Variants in OSBPL6 observed in about 807,000 individuals in gnomAD.
The protein encoded by OSBPL6 is oxysterol binding protein like 6, also known as oxysterol-binding protein-related protein 6.
A neutral mutation model predicts 125.8 loss-of-function variants in OSBPL6; 49 were observed. The observed-to-expected ratio is 0.39, with a 90% CI of 0.31 to 0.49. The LOEUF is 0.49. Among genes scored for constraint, OSBPL6 ranks in the 20% least tolerant of loss-of-function variants. The pLI is 0.88. For missense variants in OSBPL6, 986 were observed against 1,135.4 expected (o/e 0.87, Z 1.89); for synonymous variants, 394 against 391.8 (o/e 1.01, Z -0.07).
At chr2:178,243,263 G>A (rs1346090130) in intron 1 of OSBPL6, among the ~76,000 whole-genome samples, 1 of 152,172 alleles carries the variant, frequency 6.6e-6, no homozygotes, top group African/African-American at 2.4e-5. Context: ...TTCAAAGAAG[G>A]TAGGACAGTT....
At chr2:178,366,353 T>C (rs1468169107) in intron 13 of OSBPL6, among the ~76,000 whole-genome samples, 1 of 152,224 alleles carries the variant, frequency 6.6e-6, no homozygotes, top group Admixed American at 6.5e-5. Flanking sequence ...GTTTGATTCC[T>C]GGCCCCAGAA....
intron 13 of OSBPL6, among the ~76,000 whole-genome samples, chr2:178,365,971 A>C (rs183764766): frequency 6.6e-6 from 1 of 150,614 alleles, no homozygotes; most frequent in East Asian, 1.9e-4. Flanking sequence ...GCTCACTGCA[A>C]CCTCCGCCTC....
intron 3 of OSBPL6, among the ~76,000 whole-genome samples, chr2:178,306,658 C>G (rs1488801659): frequency 1.3e-5 from 2 of 152,216 alleles, no homozygotes; most frequent in African/African-American, 4.8e-5. Flanking sequence ...AAGGCTGTCA[C>G]TGGGCTGCCA....
At chr2:178,307,276 C>T (rs533398303) in intron 3 of OSBPL6, among the ~76,000 whole-genome samples, 15 of 152,218 alleles carry the variant, frequency 9.9e-5, no homozygotes, top group South Asian at 4.2e-4. Context: ...AATTCATTTT[C>T]GATAGTGCAA....
intron 3 of OSBPL6, among the ~76,000 whole-genome samples, chr2:178,320,922 G>A (rs1688182936): frequency 6.6e-6 from 1 of 152,194 alleles, no homozygotes; most frequent in Non-Finnish European, 1.5e-5. Context: ...CACTTTGGGA[G>A]GCCGAGGCGG....
chr2:178,329,941 T>C (rs1465002411), intron 5 of OSBPL6, among the ~76,000 whole-genome samples: 1 of 152,196 alleles, frequency 6.6e-6, no homozygotes, highest in African/African-American at 2.4e-5. Context: ...GACTTAAAAA[T>C]GAACACATGG....
chr2:178,360,374 G>A (rs763136432), intron 12 of OSBPL6, among the ~76,000 whole-genome samples: 1 of 151,884 alleles, frequency 6.6e-6, no homozygotes, highest in African/African-American at 2.4e-5. Flanking sequence ...ACAGCGCGGT[G>A]GGGGGGCGGG....
chr2:178,390,038 G>T (rs1429983202), intron 21 of OSBPL6, among the ~76,000 whole-genome samples: 1 of 152,130 alleles, frequency 6.6e-6, no homozygotes, highest in Non-Finnish European at 1.5e-5. Context: ...ATCACTATGT[G>T]CTCTGGCTGG....
At chr2:178,297,382 G>C (rs1419169329) in intron 2 of OSBPL6, among the ~76,000 whole-genome samples, 1 of 152,182 alleles carries the variant, frequency 6.6e-6, no homozygotes, top group Non-Finnish European at 1.5e-5. Flanking sequence ...AGGATTGCTT[G>C]AGTCCAGGAG....
At chr2:178,335,829 T>G (rs928980819) in intron 8 of OSBPL6, among the ~76,000 whole-genome samples, 11 of 152,178 alleles carry the variant, frequency 7.2e-5, no homozygotes, top group Admixed American at 5.9e-4. Flanking sequence ...ATAAATAATT[T>G]CCAATACGAA....
chr2:178,325,796 G>A (rs1013658329), intron 4 of OSBPL6, among the ~76,000 whole-genome samples: 1 of 152,198 alleles, frequency 6.6e-6, no homozygotes, highest in African/African-American at 2.4e-5. Flanking sequence ...TGGTCAAACA[G>A]CAATTCTTCC....
intron 9 of OSBPL6, among the ~76,000 whole-genome samples, chr2:178,338,384 C>T (rs893641409): frequency 1.3e-5 from 2 of 151,962 alleles, no homozygotes; most frequent in African/African-American, 2.4e-5. Context: ...TCATTCTAAA[C>T]GTTAATTCAG....
intron 2 of OSBPL6, among the ~76,000 whole-genome samples, chr2:178,302,796 T>C (rs1686413307): frequency 6.6e-6 from 1 of 152,194 alleles, no homozygotes; most frequent in African/African-American, 2.4e-5. Context: ...GGTGTTAGCA[T>C]TGATGTTAAT....
intron 2 of OSBPL6, among the ~76,000 whole-genome samples, chr2:178,296,940 G>A (rs1006005715): frequency 7.9e-5 from 12 of 152,144 alleles, no homozygotes; most frequent in African/African-American, 2.9e-4. Context: ...TGCTATTCTG[G>A]AGGATGACAG....
chr2:178,385,244 G>A (rs752435395), intron 18 of OSBPL6, among the ~76,000 whole-genome samples: 10 of 152,078 alleles, frequency 6.6e-5, no homozygotes, highest in Admixed American at 5.2e-4. Context: ...TTAAAGAAAG[G>A]AAGGAAGGAA....
intron 11 of OSBPL6, among the ~76,000 whole-genome samples, 186 bp downstream of exon 11, chr2:178,339,950 A>G (rs1193839887): frequency 6.6e-6 from 1 of 152,178 alleles, no homozygotes; most frequent in African/African-American, 2.4e-5. Flanking sequence ...GGCATAAGTG[A>G]GAAGGATTTA....
At chr2:178,247,168 C>G (rs907877775) in intron 1 of OSBPL6, among the ~76,000 whole-genome samples, 1 of 152,160 alleles carries the variant, frequency 6.6e-6, no homozygotes, top group Non-Finnish European at 1.5e-5. Context: ...CACCTTATAA[C>G]TTACTGCTCA....
intron 2 of OSBPL6, among the ~76,000 whole-genome samples, chr2:178,302,472 C>A (rs6708349): frequency 0.03 from 4,630 of 152,084 alleles, 222 homozygotes; most frequent in African/African-American, 0.11. Context: ...TTTAGACTTA[C>A]TTTTATAATG....
intron 1 of OSBPL6, among the ~76,000 whole-genome samples, chr2:178,205,195 A>G (rs2089466190): frequency 6.6e-6 from 1 of 152,234 alleles, no homozygotes; most frequent in Admixed American, 6.5e-5. Flanking sequence ...TGTTTGAGAC[A>G]GTGAGCTGGG....
Sources: gnomAD v4.1 joint callset for allele counts (sites outside exome capture counted in the v4.1 genomes callset) on GRCh38, gnomAD v4.1.1 for gene constraint, MANE v1.5 for transcripts, NCBI Gene and HGNC (gene_info 2026-07-23, HGNC 2026-07-21) for gene names.